ADSS1: variants seen among roughly 807,000 people sequenced by gnomAD.
ADSS1 encodes adenylosuccinate synthase 1.
Under a neutral mutation model 59.1 loss-of-function variants are expected in ADSS1, and 57 were observed. The observed-to-expected ratio is 0.97, with a 90% CI of 0.78 to 1.20. ADSS1 has a LOEUF of 1.20. ADSS1 is among the 50% of genes most tolerant of loss of function. The pLI is 0.00. For missense variants in ADSS1, 603 were observed against 610.3 expected (o/e 0.99, Z 0.13); for synonymous variants, 247 against 249.4 (o/e 0.99, Z 0.09).
At chr14:104,734,876 C>T in intron 1 of ADSS1, 144 bp from the exon 2 acceptor site, 1 of 666,738 alleles carries the variant, frequency 1.5e-6, no homozygotes, top group Non-Finnish European at 2.7e-6. Flanking sequence ...CGCACAGACG[C>T]ATCAGAGCTG....
At chr14:104,733,911 C>T (rs1181952005) in intron 1 of ADSS1, among the ~76,000 whole-genome samples, 2 of 152,182 alleles carry the variant, frequency 1.3e-5, no homozygotes, top group African/African-American at 4.8e-5. Context: ...CATCCAGTGG[C>T]TGGCCAGAAG....
chr14:104,740,653 C>T lies in ADSS1; in HGVS notation c.529C>T (p.Arg177Trp), dbSNP rs371663949. 1.4e-5 allele frequency: 23 copies of T among 1,613,964 alleles called. No homozygotes were observed. The highest frequency in any genetic ancestry group is 8.8e-5 in the South Asian group (8 of 91,070). Residue 177 changes from arginine (R) to tryptophan (W), a missense_variant, in exon 6 of 13, where the codon CGG (arginine) becomes TGG (tryptophan). Coordinates refer to ENST00000330877, the MANE Select transcript of ADSS1 (RefSeq NM_152328.5). This position sits in a 1 kb window ranked among gnomAD's most constrained non-coding sequence, Gnocchi z 4.8. ...IGPTYSSKAARTGLRICDLLS... is the reference protein window; with the variant it reads ...IGPTYSSKAAWTGLRICDLLS... ...ACCAACCTACTCTTCCAAAGCTGCC[C>T]GGACAGGCCTCCGCATCTGCGACCT... is the stretch of plus-strand genomic sequence containing the variant.
At chr14:104,746,197 G>T (rs1184716614) in intron 11 of ADSS1, 39 bp from the exon 12 acceptor site, 1 of 1,570,454 alleles carries the variant, frequency 6.4e-7, no homozygotes, top group Admixed American at 1.7e-5. Flanking sequence ...GTGATAGGAG[G>T]TCTGTGGGCC....
chr14:104,724,334 CT>C lies in ADSS1; in HGVS notation c.65del (p.Leu22ArgfsTer12). 8.1e-7 allele frequency: 1 copy of C among 1,240,782 alleles called. No individual in the cohort carries two copies. Among genetic ancestry groups the C allele is most frequent in the Non-Finnish European group, 1.0e-6 (1 of 988,884 alleles). 76.9% of individuals were successfully genotyped at this position (1,240,782 alleles called of 1,614,324 possible). A position where few individuals can be genotyped will look rare whatever the true frequency, so the allele number is the denominator to read the frequency against. On this transcript the variant is annotated frameshift_variant, in exon 1 of 13. Coordinates refer to ENST00000330877, the MANE Select transcript of ADSS1 (RefSeq NM_152328.5). LOFTEE classifies it high-confidence loss of function. ...PGAGGVKRGR[L>X]QQEAAATGSR... The stretch of plus-strand genomic sequence containing the variant: ...CGCAGGCGGCGTCAAGCGGGGGCGG[CT>C]GCAGCAGGAGGCGGCGGCGACCGGC...
At chr14:104,743,996 G>A (rs915316048) in intron 10 of ADSS1, among the ~76,000 whole-genome samples, 2 of 152,150 alleles carry the variant, frequency 1.3e-5, no homozygotes, top group African/African-American at 2.4e-5. Context: ...CTTTGCCCAC[G>A]GAGGGAGGAA....
At chr14:104,736,311 G>A (rs1242159561) in intron 2 of ADSS1, among the ~76,000 whole-genome samples, 4 of 152,210 alleles carry the variant, frequency 2.6e-5, no homozygotes, top group Non-Finnish European at 4.4e-5. Context: ...TGGCCGCTCC[G>A]GGTTGTGCTG....
At chr14:104,724,670 C>G (rs1890669324) in intron 1 of ADSS1, among the ~76,000 whole-genome samples, 1 of 152,136 alleles carries the variant, frequency 6.6e-6, no homozygotes, top group Admixed American at 6.5e-5. Flanking sequence ...GCCCTCCTTC[C>G]ACCCACCCCT....
chr14:104,738,754 G>A (rs1262707325), intron 3 of ADSS1, among the ~76,000 whole-genome samples: 1 of 152,222 alleles, frequency 6.6e-6, no homozygotes, highest in Non-Finnish European at 1.5e-5. Context: ...TGCCTGCAGG[G>A]AAGGATGTGG....
At chr14:104,725,906 C>G (rs1890706273) in intron 1 of ADSS1, among the ~76,000 whole-genome samples, 1 of 152,232 alleles carries the variant, frequency 6.6e-6, no homozygotes, top group African/African-American at 2.4e-5. Context: ...CCCACAGGTG[C>G]TGTACACAGC....
intron 1 of ADSS1, among the ~76,000 whole-genome samples, chr14:104,734,593 C>T (rs971308041): frequency 5.3e-5 from 8 of 152,172 alleles, no homozygotes; most frequent in South Asian, 2.1e-4. Context: ...CATTCTTAGA[C>T]GGGAGGTGCC....
intron 9 of ADSS1, among the ~76,000 whole-genome samples, chr14:104,742,739 C>G (rs1891412686): frequency 6.6e-6 from 1 of 152,250 alleles, no homozygotes; most frequent in Non-Finnish European, 1.5e-5. Flanking sequence ...CCCGCCTCCC[C>G]CAGCTGCCCA....
intron 4 of ADSS1, 99 bp from the exon 5 acceptor site, chr14:104,739,651 C>G: frequency 7.4e-7 from 1 of 1,358,430 alleles, no homozygotes; most frequent in East Asian, 2.3e-5. Context: ...CACCCCCTTC[C>G]CAGGAGACTC....
At chr14:104,742,254 C>T in intron 9 of ADSS1, among the ~76,000 whole-genome samples, 1 of 152,286 alleles carries the variant, frequency 6.6e-6, no homozygotes, top group East Asian at 1.9e-4. Context: ...GTACACGTGA[C>T]CTCGTTCCCC....
intron 1 of ADSS1, among the ~76,000 whole-genome samples, chr14:104,725,785 C>T (rs1034386191): frequency 8.5e-5 from 13 of 152,172 alleles, no homozygotes; most frequent in East Asian, 1.9e-4. Context: ...GTGGGGCAGC[C>T]CCGGCCCCTG....
In ADSS1 at chr14:104,740,756, G is replaced by A. The variant is rs373243171; in HGVS notation, c.584+48G>A. 125 of 1,612,570 alleles carry A rather than the reference G, an allele frequency of 7.8e-5. No homozygotes were observed. The highest frequency in any genetic ancestry group is 9.6e-5 in the Non-Finnish European group (113 of 1,178,870). ...CCGGGGAGGATGGGGAGAAGTTGCC[G>A]GAAGGGACTGTGGCTAGTGGGGAGG... is the stretch of plus-strand genomic sequence containing the variant. On this transcript the variant is annotated intron_variant, in intron 6 of 12. Coordinates refer to ENST00000330877, the MANE Select transcript of ADSS1 (RefSeq NM_152328.5). This position sits in a 1 kb window ranked among gnomAD's most constrained non-coding sequence, Gnocchi z 4.8.
intron 2 of ADSS1, among the ~76,000 whole-genome samples, chr14:104,736,477 G>A (rs939095803): frequency 1.5e-4 from 23 of 152,328 alleles, no homozygotes; most frequent in African/African-American, 5.5e-4. Flanking sequence ...CCTCTGCCGC[G>A]TGTTTATTTC....
chr14:104,728,635 A>AGT (rs1444892608), intron 1 of ADSS1, among the ~76,000 whole-genome samples: 1 of 152,216 alleles, frequency 6.6e-6, no homozygotes, highest in Non-Finnish European at 1.5e-5. Flanking sequence ...TGTGCCGGGC[A>AGT]CAGTCGTCGT....
At chr14:104,731,989 C>T (rs1307502871) in intron 1 of ADSS1, among the ~76,000 whole-genome samples, 2 of 152,200 alleles carry the variant, frequency 1.3e-5, no homozygotes, top group African/African-American at 2.4e-5. Context: ...GAGGAGGAAG[C>T]CCTGTGAGAG....
chr14:104,725,476 C>T (rs1240433799), intron 1 of ADSS1, among the ~76,000 whole-genome samples: 1 of 152,164 alleles, frequency 6.6e-6, no homozygotes, highest in Admixed American at 6.5e-5. Flanking sequence ...GGGCTGGGGC[C>T]CAAGACGAAG....
Sources: gnomAD v4.1 joint callset for allele counts (sites outside exome capture counted in the v4.1 genomes callset) on GRCh38, gnomAD v4.1.1 for gene constraint, Gnocchi (gnomAD v3.1) non-coding constraint, MANE v1.5 for transcripts, NCBI Gene and HGNC (gene_info 2026-07-23, HGNC 2026-07-21) for gene names.